Variants in SLC51A observed in about 807,000 individuals in gnomAD.
SLC51A encodes the protein solute carrier family 51 member A, also known as organic solute transporter subunit alpha.
In SLC51A, 22 loss-of-function variants were observed where a neutral mutation model predicts 34.8. That is an observed-to-expected ratio of 0.63 (90% CI 0.45 to 0.90). The LOEUF is 0.90. Ranked by LOEUF, SLC51A falls within the 40% of genes least tolerant of loss-of-function variation. The pLI is 0.00. For synonymous variants in SLC51A, 181 were observed against 176.3 expected (o/e 1.03, Z -0.21); for missense variants, 371 against 414.8 (o/e 0.89, Z 0.92).
rs1577341503 is a variant in SLC51A at position 196,216,554 on chromosome 3, G to C, written c.-159G>C. On this transcript the variant is annotated 5_prime_UTR_variant, in exon 1 of 9. Transcript: ENST00000296327. The surrounding 1 kb of genome is among the most constrained non-coding windows in gnomAD (Gnocchi z 4.5). ...ACTCTGAGATAGAAAGTTGGCCCGGGAAGCTCAAGGAGGGAGAGCGGCAGA... is the reference window on the plus strand; with the variant it reads ...ACTCTGAGATAGAAAGTTGGCCCGGCAAGCTCAAGGAGGGAGAGCGGCAGA... The C allele has an allele frequency of 7.8e-6, 6 of 769,496 alleles. No individual in the cohort carries two copies. Among genetic ancestry groups the C allele is most frequent in the Middle Eastern group, 2.3e-4 (1 of 4,420 alleles). 47.7% of individuals were successfully genotyped at this position (769,496 alleles called of 1,614,324 possible).
intron 2 of SLC51A, among the ~76,000 whole-genome samples, chr3:196,225,382 G>A (rs1723871224): frequency 6.6e-6 from 1 of 152,088 alleles, no homozygotes; most frequent in Non-Finnish European, 1.5e-5. Context: ...CTGTACCGTG[G>A]CCACCTTTCT....
chr3:196,222,040 G>A (rs377663146), intron 2 of SLC51A, among the ~76,000 whole-genome samples: 9 of 152,018 alleles, frequency 5.9e-5, no homozygotes, highest in African/African-American at 2.2e-4. Context: ...TTGAACTCAA[G>A]TGTCTGACTC....
intron 3 of SLC51A, 118 bp from the exon 4 acceptor site, chr3:196,227,546 G>GT: frequency 1.2e-6 from 1 of 857,196 alleles, no homozygotes; most frequent in East Asian, 2.5e-5. Context: ...AGCTGGCAAC[G>GT]TTTAAGGAAC....
At position 196,217,700 on chromosome 3, in the gene SLC51A, A is replaced by G. The variant is rs563046732; in HGVS notation, c.39-142A>G. 3.0e-5 allele frequency: 18 copies of G among 603,118 alleles called. No homozygotes were observed. In the East Asian group the frequency reaches 5.1e-4, roughly 17 times the overall value. The allele number at this position is 603,118 out of a possible 1,614,324, so 37.4% of individuals were successfully genotyped here. On this transcript the variant is annotated intron_variant, in intron 1 of 8. Coordinates refer to ENST00000296327, the MANE Select transcript of SLC51A (RefSeq NM_152672.6). Reference sequence around the variant, plus strand: ...AAGAGAGAGTGAAAGGAAGGAAGGAAGGAAAGAAAGAAAGAGAGAGAAAGA... The same window carrying G: ...AAGAGAGAGTGAAAGGAAGGAAGGAGGGAAAGAAAGAAAGAGAGAGAAAGA...
intron 3 of SLC51A, 127 bp downstream of exon 3, chr3:196,227,246 GT>G: frequency 2.0e-6 from 2 of 989,800 alleles, no homozygotes; most frequent in Non-Finnish European, 3.0e-6. Context: ...GAGGGCCGAG[GT>G]TTGCAGGCCG....
chr3:196,231,213 G>T (rs528075540), intron 7 of SLC51A, among the ~76,000 whole-genome samples: 1 of 152,276 alleles, frequency 6.6e-6, no homozygotes, highest in Non-Finnish European at 1.5e-5. Flanking sequence ...AAGGAACGGG[G>T]CTAGAATTTA....
At position 196,232,509 on chromosome 3, in the gene SLC51A, A is replaced by G; in HGVS notation, c.871A>G (p.Lys291Glu). 6.2e-7 allele frequency: 1 copy of G among 1,613,718 alleles called. No homozygotes were observed. Among genetic ancestry groups the G allele is most frequent in the Non-Finnish European group, 8.5e-7 (1 of 1,179,604 alleles). The change falls in exon 8 of 9, where the codon AAA (lysine) becomes GAA (glutamate). Residue 291 changes from lysine (K) to glutamate (E), a missense_variant. Transcript: ENST00000296327. Reference protein sequence around the residue: ...QIACSPPYSSKTRSQVMNCHL... With the variant: ...QIACSPPYSSETRSQVMNCHL... Reference sequence around the variant, plus strand: ...TGCTTGTTCGCCTCCCTATTCCTCTAAAACCAGGTCTCAAGGTGAGCACGT... The same window carrying G: ...TGCTTGTTCGCCTCCCTATTCCTCTGAAACCAGGTCTCAAGGTGAGCACGT...
chr3:196,217,323 C>T (rs900286179), intron 1 of SLC51A, among the ~76,000 whole-genome samples: 3 of 152,218 alleles, frequency 2.0e-5, no homozygotes, highest in African/African-American at 4.8e-5. Flanking sequence ...AGTTTGAGTC[C>T]TGGAGTTCGA....
chr3:196,231,290 C>T lies in SLC51A; in HGVS notation c.781-1129C>T, dbSNP rs189947224. On this transcript the variant is annotated intron_variant, in intron 7 of 8. Transcript: ENST00000296327. ...CTTACCCTGCCCTTCATCTTCACAA[C>T]GCTTCTGAAAATTCTCTCAAAGGCA... Among the ~76,000 whole-genome samples, 203 of 152,338 alleles carry T rather than the reference C, an allele frequency of 1.3e-3. 1 individual carries two copies. The highest frequency in any genetic ancestry group is 3.1e-3 in the Admixed American group (48 of 15,304).
chr3:196,228,636 G>A lies in SLC51A; in HGVS notation c.522-173G>A. 1 of 629,594 alleles carries A rather than the reference G, an allele frequency of 1.6e-6. No homozygotes were observed. The highest frequency in any genetic ancestry group is 1.9e-5 in the South Asian group (1 of 52,094). 39.0% of individuals were successfully genotyped at this position (629,594 alleles called of 1,614,324 possible). On this transcript the variant is annotated intron_variant, in intron 5 of 8. Transcript: ENST00000296327. The surrounding 1 kb of genome is among the most constrained non-coding windows in gnomAD (Gnocchi z 4.9). ...TCTGGAGGTGAGTGGGAGACCAAGAGGGTTCCCAGCACTCTCAACATTCTG... is the reference window on the plus strand; with the variant it reads ...TCTGGAGGTGAGTGGGAGACCAAGAAGGTTCCCAGCACTCTCAACATTCTG...
chr3:196,223,747 AAAAG>A (rs10578706), intron 2 of SLC51A: 67,446 of 290,238 alleles, frequency 0.23, 7,328 homozygotes, highest in East Asian at 0.41. Flanking sequence ...TAAAAAAAAA[AAAAG>A]AAAGAAAGAA....
intron 2 of SLC51A, among the ~76,000 whole-genome samples, chr3:196,224,781 A>AGAGGGGAGGGAATGGG (rs1723856990): frequency 7.9e-6 from 1 of 126,314 alleles, no homozygotes; most frequent in African/African-American, 3.0e-5. Flanking sequence ...AGGGGAGGGG[A>AGAGGGGAGGGAATGGG]GGAGAGGAGA....
intron 2 of SLC51A, among the ~76,000 whole-genome samples, chr3:196,222,085 G>A (rs1160417861): frequency 2.0e-5 from 3 of 152,182 alleles, no homozygotes; most frequent in African/African-American, 7.2e-5. Flanking sequence ...GCTACTGGAA[G>A]CAAATATGCA....
chr3:196,228,793 C>A lies in SLC51A; in HGVS notation c.522-16C>A. 6.2e-7 allele frequency: 1 copy of A among 1,610,486 alleles called. No homozygotes were observed. The highest frequency in any genetic ancestry group is 8.5e-7 in the Non-Finnish European group (1 of 1,176,792). On this transcript the variant is annotated splice_polypyrimidine_tract_variant and intron_variant, in intron 5 of 8. Transcript: ENST00000296327. This position sits in a 1 kb window ranked among gnomAD's most constrained non-coding sequence, Gnocchi z 4.9. Reference sequence around the variant, plus strand: ...GGGTTTGTGGGCCCATGTTCCTAACCCTCTTCCCCACTCAGGAAGAAGCTT... The same window carrying A: ...GGGTTTGTGGGCCCATGTTCCTAACACTCTTCCCCACTCAGGAAGAAGCTT...
At position 196,228,103 on chromosome 3, in the gene SLC51A, TC is replaced by T. The variant is rs758885204; in HGVS notation, c.363-8del. ...AGCAGACCTCGTAGGCCCTCTTCTC[TC>T]CCCACCCCAGGTTTTATGCCGTGTG... On this transcript the variant is annotated splice_polypyrimidine_tract_variant and intron_variant, in intron 4 of 8. Transcript: ENST00000296327. The surrounding 1 kb of genome is among the most constrained non-coding windows in gnomAD (Gnocchi z 4.9). 2 of 1,609,956 alleles carry T rather than the reference TC, an allele frequency of 1.2e-6. No individual in the cohort carries two copies. Among genetic ancestry groups the T allele is most frequent in the African/African-American group, 2.7e-5 (2 of 74,828 alleles).
chr3:196,226,773 T>TAAAA lies in SLC51A; in HGVS notation c.134-179_134-176dup, dbSNP rs780868037. ...TGGGCAACAGAGTGAGGCTCCGTCT[T>TAAAA]AAAAAAAAAAAAAAAAGAAAAAGAA... is the stretch of plus-strand genomic sequence containing the variant. On this transcript the variant is annotated intron_variant, in intron 2 of 8. Coordinates refer to ENST00000296327, the MANE Select transcript of SLC51A (RefSeq NM_152672.6). Among the ~76,000 whole-genome samples, 113 of 107,548 alleles carry TAAAA rather than the reference T, an allele frequency of 1.1e-3. 3 individuals are homozygous for TAAAA. Among genetic ancestry groups the TAAAA allele is most frequent in the East Asian group, 5.4e-3 (19 of 3,530 alleles). 70.6% of individuals were successfully genotyped at this position (107,548 alleles called of 152,430 possible).
At chr3:196,221,636 G>A (rs4916521) in intron 2 of SLC51A, among the ~76,000 whole-genome samples, 34,417 of 151,960 alleles carry the variant, frequency 0.23, 4,912 homozygotes, top group East Asian at 0.48. Flanking sequence ...GAGAGGATAA[G>A]TAACCTGTCT....
Position 196,228,645 on chromosome 3 carries a change from G to A in SLC51A, c.522-164G>A. 1.6e-6 allele frequency: 1 copy of A among 640,462 alleles called. No homozygotes were observed. Among genetic ancestry groups the A allele is most frequent in the Non-Finnish European group, 2.8e-6 (1 of 358,148 alleles). The allele number at this position is 640,462 out of a possible 1,614,324, so 39.7% of individuals were successfully genotyped here. ...GAGTGGGAGACCAAGAGGGTTCCCAGCACTCTCAACATTCTGCTTTTTTCC... is the reference window on the plus strand; with the variant it reads ...GAGTGGGAGACCAAGAGGGTTCCCAACACTCTCAACATTCTGCTTTTTTCC... On this transcript the variant is annotated intron_variant, in intron 5 of 8. Transcript: ENST00000296327. This position sits in a 1 kb window ranked among gnomAD's most constrained non-coding sequence, Gnocchi z 4.9.
At chr3:196,223,772 A>T in intron 2 of SLC51A, 2 of 377,746 alleles carry the variant, frequency 5.3e-6, no homozygotes, top group South Asian at 3.8e-5. Flanking sequence ...AATACAGAAC[A>T]GTAAAAAGAG....
Sources: gnomAD v4.1 joint callset for allele counts (sites outside exome capture counted in the v4.1 genomes callset) on GRCh38, gnomAD v4.1.1 for gene constraint, Gnocchi (gnomAD v3.1) non-coding constraint, MANE v1.5 for transcripts, NCBI Gene and HGNC (gene_info 2026-07-23, HGNC 2026-07-21) for gene names.